Variants in EEF2 observed in about 807,000 individuals in gnomAD.
EEF2 encodes the protein elongation factor 2.
In EEF2, 21 loss-of-function variants were observed where a neutral mutation model predicts 85.3. The observed-to-expected ratio is 0.25, with a 90% CI of 0.17 to 0.35. The LOEUF is 0.35. Ranked by LOEUF, EEF2 falls within the 10% of genes least tolerant of loss-of-function variation. The pLI is 1.00. For missense variants in EEF2, 825 were observed against 1,225.3 expected (o/e 0.67, Z 4.88); for synonymous variants, 723 against 508.8 (o/e 1.42, Z -5.67).
intron 4 of EEF2, 77 bp downstream of exon 4, chr19:3,982,730 C>T: frequency 6.8e-7 from 1 of 1,478,520 alleles, no homozygotes; most frequent in Non-Finnish European, 9.2e-7. Flanking sequence ...CAGTCCCCCT[C>T]AGCTCAACTC....
At chr19:3,979,230 C>CA (rs1314265578) in intron 11 of EEF2, 99 bp downstream of exon 11, 12 of 887,646 alleles carry the variant, frequency 1.4e-5, no homozygotes, top group Non-Finnish European at 2.1e-5. Context: ...AGACCGAGAT[C>CA]AAGTCTAGGC....
At chr19:3,982,658 T>A in intron 4 of EEF2, 149 bp downstream of exon 4, 1 of 1,124,540 alleles carries the variant, frequency 8.9e-7, no homozygotes. Context: ...CTGGGTCAAG[T>A]CGGATGAAAA....
chr19:3,983,429 T>C, intron 2 of EEF2, 138 bp from the exon 3 acceptor site: 3 of 928,702 alleles, frequency 3.2e-6, no homozygotes, highest in South Asian at 3.4e-5. Flanking sequence ...CAACCCACCC[T>C]TGTCCTTTGC....
intron 14 of EEF2, 102 bp from the exon 15 acceptor site, chr19:3,976,849 C>G (rs2039685363): frequency 7.6e-7 from 1 of 1,311,920 alleles, no homozygotes; most frequent in Non-Finnish European, 1.0e-6. Flanking sequence ...CTGAGTCACC[C>G]TGCAGACCAG....
intron 10 of EEF2, 81 bp from the exon 11 acceptor site, chr19:3,979,517 G>A (rs577113452): frequency 1.6e-6 from 2 of 1,253,084 alleles, no homozygotes; most frequent in South Asian, 2.6e-5. Context: ...CCTTTAGCTA[G>A]GGACCCCGCC....
intron 4 of EEF2, 132 bp from the exon 5 acceptor site, chr19:3,982,556 G>C (rs74491743): frequency 1.6e-6 from 2 of 1,283,326 alleles, no homozygotes; most frequent in African/African-American, 1.5e-5. Context: ...GTGAAGAAAT[G>C]ATCAGTCATC....
intron 10 of EEF2, 130 bp downstream of exon 10, chr19:3,979,678 G>A: frequency 5.0e-6 from 7 of 1,412,522 alleles, no homozygotes; most frequent in Non-Finnish European, 5.8e-6. Context: ...TACAGCCACA[G>A]CCAAGAACCC....
Position 3,985,445 on chromosome 19 carries a change from G to T in EEF2, c.-65C>A, listed in dbSNP as rs1392386287. The T allele has an allele frequency of 5.6e-6, 8 of 1,430,722 alleles. No homozygotes were observed. In the African/African-American group the frequency reaches 7.3e-5, roughly 13 times the overall value. The allele number at this position is 1,430,722 out of a possible 1,614,324, so 88.6% of individuals were successfully genotyped here. On this transcript the variant is annotated 5_prime_UTR_variant, in exon 1 of 15. Coordinates refer to ENST00000309311, the MANE Select transcript of EEF2 (RefSeq NM_001961.4). ...AGAAGCGAGTCGCGCCGAGGATGGC[G>T]GCGACGACGGCGGAAGAGAACGCTG...
chr19:3,979,750 G>C (rs991317914), intron 10 of EEF2, 58 bp downstream of exon 10: 4 of 1,577,432 alleles, frequency 2.5e-6, no homozygotes, highest in African/African-American at 2.7e-5. Context: ...CCACAACTCA[G>C]GACACAAGCC....
chr19:3,981,034 C>G lies in EEF2; in HGVS notation c.1012-55G>C, dbSNP rs1466363908. The G allele has an allele frequency of 2.6e-6, 4 of 1,532,488 alleles. No individual in the cohort carries two copies. The African/African-American group carries it at 4.1e-5, about 16-fold the overall frequency. The allele number at this position is 1,532,488 out of a possible 1,614,324, so 94.9% of individuals were successfully genotyped here. A position where few individuals can be genotyped will look rare whatever the true frequency, so the allele number is the denominator to read the frequency against. Reference sequence around the variant, plus strand: ...ACCTGGGGAGCCCAGGATGGCCCCACCCCGTACACGCTTCCTCTCTTGAAG... The same window carrying G: ...ACCTGGGGAGCCCAGGATGGCCCCAGCCCGTACACGCTTCCTCTCTTGAAG... On this transcript the variant is annotated intron_variant, in intron 7 of 14. Coordinates refer to ENST00000309311, the MANE Select transcript of EEF2 (RefSeq NM_001961.4).
chr19:3,984,069 G>A, intron 2 of EEF2, 67 bp downstream of exon 2: 1 of 1,570,444 alleles, frequency 6.4e-7, no homozygotes, highest in Admixed American at 1.7e-5. Flanking sequence ...GCGCACCCTG[G>A]CCCAGTGGCC....
intron 7 of EEF2, 95 bp downstream of exon 7, chr19:3,981,244 A>G (rs2039742228): frequency 9.5e-6 from 12 of 1,269,292 alleles, no homozygotes; most frequent in Non-Finnish European, 1.4e-5. Flanking sequence ...GTCCCTGCCC[A>G]GCTGAGGACT....
At chr19:3,983,653 A>G (rs535575616) in intron 2 of EEF2, among the ~76,000 whole-genome samples, 2 of 152,134 alleles carry the variant, frequency 1.3e-5, no homozygotes, top group South Asian at 4.2e-4. Flanking sequence ...CCCCTGCTCC[A>G]GGGGAAATGA....
intron 7 of EEF2, 74 bp downstream of exon 7, chr19:3,981,265 G>C: frequency 6.9e-7 from 1 of 1,450,342 alleles, no homozygotes; most frequent in Non-Finnish European, 9.7e-7. Flanking sequence ...TCAGCCCCCA[G>C]GCCTGGGCTG....
chr19:3,979,864 G>A lies in EEF2; in HGVS notation c.1549C>T (p.Leu517=), dbSNP rs148099639. ...VAVEAKNPAD[L]PKLVEGLKRL... is the part of the protein sequence containing the mutation. ...TTCAGCCCCTCCACCAGCTTGGGCAGGTCAGCCGGGTTCTTGGCCTCCACG... is the reference window on the plus strand; with the variant it reads ...TTCAGCCCCTCCACCAGCTTGGGCAAGTCAGCCGGGTTCTTGGCCTCCACG... The change falls in exon 10 of 15, where the codon CTG becomes TTG. Residue 517 remains leucine, a synonymous_variant. Coordinates refer to ENST00000309311, the MANE Select transcript of EEF2 (RefSeq NM_001961.4). 433 of 1,613,782 alleles carry A rather than the reference G, an allele frequency of 2.7e-4. 2 individuals carry two copies. In the African/African-American group the frequency reaches 5.4e-3, roughly 20 times the overall value.
At chr19:3,981,289 A>T in intron 7 of EEF2, 50 bp downstream of exon 7, 2 of 1,569,134 alleles carry the variant, frequency 1.3e-6, no homozygotes, top group Non-Finnish European at 1.8e-6. Context: ...GAGCATCCGG[A>T]AACAGCAGCC....
chr19:3,979,610 G>A (rs1008815505), intron 10 of EEF2, among the ~76,000 whole-genome samples, 174 bp from the exon 11 acceptor site: 1 of 152,252 alleles, frequency 6.6e-6, no homozygotes, highest in Non-Finnish European at 1.5e-5. Context: ...AAGCTACAGT[G>A]AACACGCGCA....
chr19:3,985,311 T>C, intron 1 of EEF2, 67 bp downstream of exon 1: 5 of 1,372,996 alleles, frequency 3.6e-6, no homozygotes, highest in Non-Finnish European at 4.8e-6. Flanking sequence ...CGTCCCAGGC[T>C]AGGCAGCGTA....
chr19:3,982,703 T>A, intron 4 of EEF2, 104 bp downstream of exon 4: 1 of 1,329,122 alleles, frequency 7.5e-7, no homozygotes, highest in Non-Finnish European at 1.0e-6. Flanking sequence ...CCAACATTCC[T>A]GGCAAAAACA....
Sources: allele counts gnomAD v4.1 joint callset (sites outside exome capture counted in the v4.1 genomes callset), GRCh38; gene constraint gnomAD v4.1.1; transcripts MANE v1.5; gene names NCBI Gene and HGNC (gene_info 2026-07-23, HGNC 2026-07-21).